The following NXNL2 variants were observed in gnomAD, a reference collection of about 807,000 sequenced individuals.
NXNL2 encodes nucleoredoxin like 2.
Under a neutral mutation model 11.1 loss-of-function variants are expected in NXNL2, and 7 were observed. The ratio of observed to expected loss-of-function variants is 0.63; its 90% CI spans 0.36 to 1.18. The LOEUF is 1.18. NXNL2 is among the 50% of genes most tolerant of loss of function. NXNL2 has a pLI of 0.02. For synonymous variants in NXNL2, 109 were observed against 101.8 expected (o/e 1.07, Z -0.42); for missense variants, 233 against 217.7 (o/e 1.07, Z -0.44).
At chr9:88,582,422 T>G (rs1830418717) in intron 1 of NXNL2, among the ~76,000 whole-genome samples, 1 of 151,818 alleles carries the variant, frequency 6.6e-6, no homozygotes, top group African/African-American at 2.4e-5. Context: ...TGAGCCGAGA[T>G]CGCACCACTG....
chr9:88,559,562 GCCTGTC>G (rs1457854126), intron 1 of NXNL2, among the ~76,000 whole-genome samples: 2 of 152,178 alleles, frequency 1.3e-5, no homozygotes, highest in African/African-American at 4.8e-5. Context: ...CCATCCGTAG[GCCTGTC>G]CCTTGAATGG....
At chr9:88,576,377 C>T (rs1263699189), downstream of NXNL2, among the ~76,000 whole-genome samples, 3 of 152,216 alleles carry the variant, frequency 2.0e-5, no homozygotes, top group Non-Finnish European at 4.4e-5. Context: ...TGGGGACTCA[C>T]ACTTATGTGG....
intron 1 of NXNL2, among the ~76,000 whole-genome samples, chr9:88,567,905 C>T (rs910150592): frequency 1.3e-5 from 2 of 152,194 alleles, no homozygotes; most frequent in African/African-American, 4.8e-5. Context: ...GAAGGAGGTA[C>T]TGATGCTCAG....
chr9:88,535,604 C>T lies in NXNL2; in HGVS notation c.170C>T (p.Ala57Val), dbSNP rs1829593093. 5 of 1,609,108 alleles carry T rather than the reference C, an allele frequency of 3.1e-6. No individual in the cohort carries two copies. Among genetic ancestry groups the T allele is most frequent in the African/African-American group, 1.3e-5 (1 of 74,866 alleles). ...LLCDFYTALV[A>V]EARRPAPFEV... ...TGCGACTTCTATACGGCGCTGGTGG[C>T]CGAGGCGCGGCGGCCCGCGCCCTTC... Residue 57 changes from alanine to valine, a missense_variant, in exon 1 of 2, where the codon GCC (alanine) becomes GTC (valine). Ala to Val is a moderately conservative substitution (Grantham distance 64). Coordinates refer to ENST00000375854, the MANE Select transcript of NXNL2 (RefSeq NM_001161625.2).
chr9:88,560,008 G>A (rs191430005), intron 1 of NXNL2, among the ~76,000 whole-genome samples: 11 of 152,210 alleles, frequency 7.2e-5, no homozygotes, highest in East Asian at 1.9e-4. Flanking sequence ...GCCCTGCTGC[G>A]TGGCCTCAGG....
Position 88,535,754 on chromosome 9 carries a change from G to C in NXNL2, c.302+18G>C. 3.9e-6 allele frequency: 6 copies of C among 1,528,936 alleles called. No individual in the cohort carries two copies. The highest frequency in any genetic ancestry group is 1.3e-5 in the South Asian group (1 of 78,870). 94.7% of individuals were successfully genotyped at this position (1,528,936 alleles called of 1,614,324 possible). A position where few individuals can be genotyped will look rare whatever the true frequency, so the allele number is the denominator to read the frequency against. Reference sequence around the variant, plus strand: ...TACCGGCAGTGAGTGGGGGTCCTGGGGGGGCGGGGGCCGCCCGGCACGTCT... The same window carrying C: ...TACCGGCAGTGAGTGGGGGTCCTGGCGGGGCGGGGGCCGCCCGGCACGTCT... On this transcript the variant is annotated intron_variant, in intron 1 of 1. Transcript: ENST00000375854.
chr9:88,571,791 C>G (rs780485383), intron 2 of NXNL2, among the ~76,000 whole-genome samples: 2 of 152,184 alleles, frequency 1.3e-5, no homozygotes, highest in Non-Finnish European at 2.9e-5. Context: ...GGGCATCTCA[C>G]TGGGCAAGAC....
At position 88,567,138 on chromosome 9, in the gene NXNL2, A is replaced by C. The variant is rs374345148; in HGVS notation, c.303-3949A>C. Among the ~76,000 whole-genome samples, 37 of 151,976 alleles carry C rather than the reference A, an allele frequency of 2.4e-4. No homozygotes were observed. The East Asian group carries it at 3.5e-3, about 14-fold the overall frequency. On this transcript the variant is annotated intron_variant, in intron 1 of 2. Coordinates refer to the NXNL2 transcript ENST00000375855. The stretch of plus-strand genomic sequence containing the variant: ...ATTCTCTATAACTATTTCCTGACTT[A>C]TTGAATTCTTTTTTTTCTCTGGGGG...
intron 1 of NXNL2, among the ~76,000 whole-genome samples, chr9:88,552,473 G>GTTTTTTTTTTTTTT (rs59133640): frequency 1.8e-4 from 24 of 131,554 alleles, no homozygotes; most frequent in African/African-American, 5.9e-4. Flanking sequence ...AAACATGCAT[G>GTTTTTTTTTTTTTT]TTTTTTTTTT....
At chr9:88,546,207 A>C (rs1317126461), downstream of NXNL2, among the ~76,000 whole-genome samples, 4 of 150,594 alleles carry the variant, frequency 2.7e-5, no homozygotes, top group Non-Finnish European at 5.9e-5. Context: ...TTTAAAAGGT[A>C]GAGAAACGGC....
At chr9:88,538,030 C>G (rs1287574326) in intron 1 of NXNL2, among the ~76,000 whole-genome samples, 1 of 152,180 alleles carries the variant, frequency 6.6e-6, no homozygotes, top group Non-Finnish European at 1.5e-5. Flanking sequence ...TCCCCAAATG[C>G]TTAAAGTCCT....
At chr9:88,556,897 G>T (rs971875256) in intron 1 of NXNL2, among the ~76,000 whole-genome samples, 7 of 151,872 alleles carry the variant, frequency 4.6e-5, no homozygotes, top group African/African-American at 1.7e-4. Context: ...CTAACACGGT[G>T]AAACCCCGTC....
intron 1 of NXNL2, among the ~76,000 whole-genome samples, chr9:88,565,171 G>A (rs920627183): frequency 6.6e-6 from 1 of 152,160 alleles, no homozygotes; most frequent in African/African-American, 2.4e-5. Flanking sequence ...GTTCATTTGT[G>A]TTGTCACAAA....
intron 1 of NXNL2, among the ~76,000 whole-genome samples, chr9:88,557,407 C>A (rs773540801): frequency 4.6e-5 from 7 of 152,196 alleles, no homozygotes; most frequent in Non-Finnish European, 1.0e-4. Context: ...AGTGGAGGCT[C>A]CTGCACCAGA....
At chr9:88,568,515 C>G (rs1043454538) in intron 1 of NXNL2, among the ~76,000 whole-genome samples, 1 of 152,226 alleles carries the variant, frequency 6.6e-6, no homozygotes, top group Non-Finnish European at 1.5e-5. Context: ...CTGAGGGCCA[C>G]AACCTCAAAC....
downstream of NXNL2, among the ~76,000 whole-genome samples, chr9:88,547,106 G>A (rs535214416): frequency 6.6e-6 from 1 of 152,336 alleles, no homozygotes; most frequent in Admixed American, 6.5e-5. Flanking sequence ...CCAGGCCCAC[G>A]TCTCATCCAG....
chr9:88,543,663 C>T (rs1427927550), intron 1 of NXNL2, among the ~76,000 whole-genome samples: 2 of 152,156 alleles, frequency 1.3e-5, no homozygotes, highest in African/African-American at 4.8e-5. Context: ...TGGGTTTAGA[C>T]CTGCACTATC....
At chr9:88,552,305 AG>A (rs1433050790) in intron 1 of NXNL2, among the ~76,000 whole-genome samples, 2 of 151,830 alleles carry the variant, frequency 1.3e-5, no homozygotes, top group Non-Finnish European at 2.9e-5. Context: ...TGGCTCTATT[AG>A]GGAGTGAAAT....
chr9:88,580,674 T>C (rs1038586428), downstream of NXNL2, among the ~76,000 whole-genome samples: 2 of 152,238 alleles, frequency 1.3e-5, no homozygotes, highest in African/African-American at 4.8e-5. Flanking sequence ...ATAATTATGT[T>C]AAGATAGTCA....
Sources: allele counts gnomAD v4.1 joint callset (sites outside exome capture counted in the v4.1 genomes callset), GRCh38; gene constraint gnomAD v4.1.1; transcripts MANE v1.5; gene names NCBI Gene and HGNC (gene_info 2026-07-23, HGNC 2026-07-21).